DCAF6: variants seen among roughly 807,000 people sequenced by gnomAD.
DCAF6 encodes DDB1- and CUL4-associated factor 6.
A neutral mutation model predicts 125.1 loss-of-function variants in DCAF6; 54 were observed. The ratio of observed to expected loss-of-function variants is 0.43; its 90% CI spans 0.35 to 0.54. The LOEUF is 0.54. DCAF6 is among the 20% of genes least tolerant of loss of function. DCAF6 has a pLI of 0.01. For missense variants in DCAF6, 934 were observed against 1,161.7 expected (o/e 0.80, Z 2.85); for synonymous variants, 371 against 390.4 (o/e 0.95, Z 0.58).
chr1:167,969,010 A>G (rs1676891960), intron 3 of DCAF6, among the ~76,000 whole-genome samples: 1 of 152,092 alleles, frequency 6.6e-6, no homozygotes, highest in Non-Finnish European at 1.5e-5. Flanking sequence ...TTAAAATTAT[A>G]TTATGATTAC....
At chr1:167,901,058 A>G in the DCAF6 span, among the ~76,000 whole-genome samples, 1 of 152,346 alleles carries the variant, frequency 6.6e-6, no homozygotes, top group South Asian at 2.1e-4. Context: ...AATGGATACA[A>G]TGATGCCTGT....
At chr1:167,965,340 A>G (rs972715061) in intron 2 of DCAF6, among the ~76,000 whole-genome samples, 1 of 152,160 alleles carries the variant, frequency 6.6e-6, no homozygotes, top group Non-Finnish European at 1.5e-5. Flanking sequence ...TCCTTCCCCA[A>G]TGCGGAAGGC....
chr1:167,952,051 A>G (rs1410178844), intron 2 of DCAF6, among the ~76,000 whole-genome samples, 190 bp downstream of exon 2: 1 of 152,186 alleles, frequency 6.6e-6, no homozygotes, highest in Non-Finnish European at 1.5e-5. Flanking sequence ...AGTGCAGATG[A>G]GTTTTCTAAT....
chr1:168,042,805 A>C (rs995961110), intron 13 of DCAF6: 1 of 417,772 alleles, frequency 2.4e-6, no homozygotes, highest in Non-Finnish European at 4.3e-6. Context: ...GTGAAGAAGC[A>C]GTCCCTTTAT....
chr1:167,883,374 T>G, the DCAF6 span: 37 of 1,559,908 alleles, frequency 2.4e-5, no homozygotes, highest in Non-Finnish European at 3.3e-5. Context: ...CTCACCAATG[T>G]GCTTGTCCAT....
chr1:168,042,139 A>G lies in DCAF6; in HGVS notation c.1728-886A>G, dbSNP rs188094386. ...GCCTAAAAGAGTTTTTGTCATGGCA[A>G]AAAGTCCATGATCGTTTGTATTGTT... is the stretch of plus-strand genomic sequence containing the variant. On this transcript the variant is annotated intron_variant, in intron 13 of 21. Transcript: ENST00000367840. Among the ~76,000 whole-genome samples the G allele has an allele frequency of 2.1e-3, 319 of 152,142 alleles. 4 individuals are homozygous for G. The highest frequency in any genetic ancestry group is 1.4e-3 in the Non-Finnish European group (97 of 67,958).
chr1:167,992,570 A>T (rs1681008978), intron 6 of DCAF6, among the ~76,000 whole-genome samples: 1 of 152,346 alleles, frequency 6.6e-6, no homozygotes, highest in East Asian at 1.9e-4. Flanking sequence ...CAACAGGTGG[A>T]CACAATTGAC....
chr1:168,010,980 C>T (rs202252), intron 10 of DCAF6, among the ~76,000 whole-genome samples: 28,190 of 151,928 alleles, frequency 0.19, 3,984 homozygotes, highest in African/African-American at 0.39. Flanking sequence ...TTTAGAGAAG[C>T]TGGTAACTTT....
the DCAF6 span, among the ~76,000 whole-genome samples, chr1:167,908,323 C>G: frequency 1.3e-5 from 2 of 152,052 alleles, no homozygotes; most frequent in Non-Finnish European, 2.9e-5. Context: ...AAATATTGAA[C>G]GATCTCACTT....
chr1:167,965,725 C>T (rs1040996688), intron 2 of DCAF6, among the ~76,000 whole-genome samples: 2 of 152,058 alleles, frequency 1.3e-5, no homozygotes, highest in African/African-American at 4.8e-5. Flanking sequence ...CTCTTGGGTT[C>T]AAGCAGTTCT....
At chr1:168,034,899 T>A (rs1192300892) in intron 12 of DCAF6, among the ~76,000 whole-genome samples, 3 of 152,160 alleles carry the variant, frequency 2.0e-5, no homozygotes, top group African/African-American at 7.2e-5. Context: ...TAGTTACAAT[T>A]TTTTTTCAAA....
chr1:168,015,718 C>G, intron 10 of DCAF6, 63 bp from the exon 11 acceptor site: 1 of 1,316,676 alleles, frequency 7.6e-7, no homozygotes, highest in South Asian at 1.9e-5. Context: ...AATGTATAAT[C>G]AAATTCTTAT....
chr1:167,971,397 A>G (rs1387032263), intron 3 of DCAF6, among the ~76,000 whole-genome samples: 1 of 152,142 alleles, frequency 6.6e-6, no homozygotes, highest in East Asian at 1.9e-4. Flanking sequence ...TTTACCTCTC[A>G]TATAGTTGGA....
At chr1:168,025,547 T>C (rs1351361267) in intron 12 of DCAF6, among the ~76,000 whole-genome samples, 2 of 152,086 alleles carry the variant, frequency 1.3e-5, no homozygotes, top group African/African-American at 2.4e-5. Context: ...ATATATCTAA[T>C]TAATTAAATC....
the DCAF6 span, among the ~76,000 whole-genome samples, chr1:167,869,786 GC>G: frequency 6.6e-6 from 1 of 151,992 alleles, no homozygotes; most frequent in African/African-American, 2.4e-5. Flanking sequence ...CAGAAGTTGA[GC>G]ACCTTGACGA....
At chr1:167,959,855 A>G (rs1208002816) in intron 2 of DCAF6, among the ~76,000 whole-genome samples, 1 of 152,068 alleles carries the variant, frequency 6.6e-6, no homozygotes, top group Non-Finnish European at 1.5e-5. Flanking sequence ...GGAAGTTTTT[A>G]ATTTTAATGA....
chr1:167,881,452 A>T, the DCAF6 span, among the ~76,000 whole-genome samples: 1 of 152,218 alleles, frequency 6.6e-6, no homozygotes, highest in East Asian at 1.9e-4. Context: ...GTTAGATCTT[A>T]AAAAGGACTG....
intron 16 of DCAF6, among the ~76,000 whole-genome samples, chr1:168,047,520 G>T (rs905620171): frequency 6.6e-6 from 1 of 151,840 alleles, no homozygotes; most frequent in Non-Finnish European, 1.5e-5. Context: ...AGCCTATGTT[G>T]GTCCTACATG....
chr1:168,027,316 T>C (rs541444083), intron 12 of DCAF6, among the ~76,000 whole-genome samples: 1 of 152,214 alleles, frequency 6.6e-6, no homozygotes, highest in Non-Finnish European at 1.5e-5. Context: ...TGAGCATGTT[T>C]ATAGAGTAAA....
Sources: allele counts gnomAD v4.1 joint callset (sites outside exome capture counted in the v4.1 genomes callset), GRCh38; gene constraint gnomAD v4.1.1; transcripts MANE v1.5; gene names NCBI Gene and HGNC (gene_info 2026-07-23, HGNC 2026-07-21).